DNAJB12: variants seen among roughly 807,000 people sequenced by gnomAD.
DNAJB12 encodes the protein dnaJ homolog subfamily B member 12.
In DNAJB12, 14 loss-of-function variants were observed where a neutral mutation model predicts 40.6. The observed-to-expected ratio is 0.34, with a 90% CI of 0.23 to 0.54. DNAJB12 has a LOEUF of 0.54. DNAJB12 is among the 20% of genes least tolerant of loss of function. The pLI is 0.92. For synonymous variants in DNAJB12, 181 were observed against 199.5 expected (o/e 0.91, Z 0.78); for missense variants, 444 against 501.7 (o/e 0.89, Z 1.10).
At position 72,335,361 on chromosome 10, in the gene DNAJB12, G is replaced by A; in HGVS notation, c.*30+419C>T. 1.0e-6 allele frequency: 1 copy of A among 996,944 alleles called. No homozygotes were observed. The highest frequency in any genetic ancestry group is 1.2e-6 in the Non-Finnish European group (1 of 836,338). 61.8% of individuals were successfully genotyped at this position (996,944 alleles called of 1,614,324 possible). ...GGTATCAGGCAGGCAGTGTGCATAT[G>A]GGGCTCTCTTGGGCCCCACCATATG... On this transcript the variant is annotated intron_variant, in intron 8 of 8. Coordinates refer to ENST00000444643, the MANE Select transcript of DNAJB12 (RefSeq NM_017626.7). This position sits in a 1 kb window ranked among gnomAD's most constrained non-coding sequence, Gnocchi z 4.4.
intron 5 of DNAJB12, 48 bp from the exon 6 acceptor site, chr10:72,338,359 G>C (rs1311092394): frequency 1.3e-6 from 2 of 1,539,886 alleles, no homozygotes; most frequent in Non-Finnish European, 1.8e-6. Context: ...GTGGGGTGTG[G>C]TGTCAGCCAT....
Position 72,338,299 on chromosome 10 carries a change from C to T in DNAJB12, c.736G>A (p.Val246Met). The T allele has an allele frequency of 6.2e-7, 1 of 1,613,982 alleles. No individual in the cohort carries two copies. The highest frequency in any genetic ancestry group is 8.5e-7 in the Non-Finnish European group (1 of 1,179,948). Residue 246 changes from valine (V) to methionine (M), a missense_variant, in exon 6 of 9, where the codon GTG (valine) becomes ATG (methionine). By Grantham distance (21) the Val-to-Met change is conservative. Coordinates refer to ENST00000444643, the MANE Select transcript of DNAJB12 (RefSeq NM_017626.7). Reference protein sequence around the residue: ...RDNQGDGGLGVFVQLMPILIL... With the variant: ...RDNQGDGGLGMFVQLMPILIL... ...AGGATAGGCATCAGCTGCACAAACA[C>T]CCCTAGCCCGCCCTGGAGGGAAGAG...
In DNAJB12 at chr10:72,341,142, G is replaced by C. The variant is rs771056666; in HGVS notation, c.486C>G (p.Ser162Arg). The change falls in exon 4 of 9, where the codon AGC becomes AGG. Residue 162 changes from serine (S) to arginine (R), a missense_variant. Ser to Arg is a moderately radical substitution (Grantham distance 110). Transcript: ENST00000444643. ...CATACTGCTTCCTCTTCTCCGGGTTGCTGAGTACCGCATATGCTGTGCCAA... is the reference window on the plus strand; with the variant it reads ...CATACTGCTTCCTCTTCTCCGGGTTCCTGAGTACCGCATATGCTGTGCCAA... ...KAIGTAYAVL[S>R]NPEKRKQYDQ... 1 of 1,613,720 alleles carries C rather than the reference G, an allele frequency of 6.2e-7. No individual in the cohort carries two copies. Among genetic ancestry groups the C allele is most frequent in the Middle Eastern group, 1.7e-4 (1 of 6,000 alleles).
At position 72,340,987 on chromosome 10, in the gene DNAJB12, G is replaced by A; in HGVS notation, c.641C>T (p.Ser214Phe). The part of the protein sequence containing the change: ...FNMFFGGGFP[S>F]SNVHVYSNGR... Reference sequence around the variant, plus strand: ...TGTGGGGAGGGTGGGGAACTTACTAGAAGGGAAGCCGCCGCCAAAGAACAT... The same window carrying A: ...TGTGGGGAGGGTGGGGAACTTACTAAAAGGGAAGCCGCCGCCAAAGAACAT... The change falls in exon 4 of 9, where the codon TCT becomes TTT. Residue 214 changes from serine to phenylalanine, a missense_variant and splice_region_variant. Transcript: ENST00000444643. 1 of 1,613,234 alleles carries A rather than the reference G, an allele frequency of 6.2e-7. No individual in the cohort carries two copies. Among genetic ancestry groups the A allele is most frequent in the Non-Finnish European group, 8.5e-7 (1 of 1,179,520 alleles).
Position 72,335,661 on chromosome 10 carries a change from G to A in DNAJB12, c.*30+119C>T. On this transcript the variant is annotated intron_variant, in intron 8 of 8. Coordinates refer to ENST00000444643, the MANE Select transcript of DNAJB12 (RefSeq NM_017626.7). The surrounding 1 kb of genome is among the most constrained non-coding windows in gnomAD (Gnocchi z 4.4). Reference sequence around the variant, plus strand: ...TCTCTGGAGGCTGGAGGTCAGGCTGGGGACAGGAGTCTTTGCCACAATCAC... The same window carrying A: ...TCTCTGGAGGCTGGAGGTCAGGCTGAGGACAGGAGTCTTTGCCACAATCAC... The A allele has an allele frequency of 6.9e-7, 1 of 1,447,760 alleles. No individual in the cohort carries two copies. Among genetic ancestry groups the A allele is most frequent in the Non-Finnish European group, 9.1e-7 (1 of 1,101,494 alleles). The allele number at this position is 1,447,760 out of a possible 1,614,324, so 89.7% of individuals were successfully genotyped here. A position where few individuals can be genotyped will look rare whatever the true frequency, so the allele number is the denominator to read the frequency against.
At chr10:72,349,036 C>T (rs1008368434) in intron 1 of DNAJB12, among the ~76,000 whole-genome samples, 13 of 152,112 alleles carry the variant, frequency 8.5e-5, no homozygotes, top group African/African-American at 1.2e-4. Flanking sequence ...CTGGGCTGCA[C>T]GTGTCTGATG....
At chr10:72,352,877 A>C (rs1360680017) in intron 1 of DNAJB12, among the ~76,000 whole-genome samples, 1 of 152,152 alleles carries the variant, frequency 6.6e-6, no homozygotes, top group Non-Finnish European at 1.5e-5. Flanking sequence ...CACCTAATAT[A>C]TCTGTATTAC....
chr10:72,336,832 C>T (rs187959821), intron 6 of DNAJB12, 136 bp from the exon 7 acceptor site: 65 of 666,744 alleles, frequency 9.7e-5, no homozygotes, highest in East Asian at 4.7e-4. Flanking sequence ...AGCAGGGACC[C>T]GCACACTCCC....
chr10:72,344,496 C>G (rs1237286030), intron 2 of DNAJB12, among the ~76,000 whole-genome samples: 7 of 152,230 alleles, frequency 4.6e-5, no homozygotes, highest in African/African-American at 1.4e-4. Context: ...GGCCTGCTCA[C>G]AGCCGTGGGG....
intron 8 of DNAJB12, chr10:72,334,837 C>A: frequency 7.4e-7 from 1 of 1,351,456 alleles, no homozygotes; most frequent in Non-Finnish European, 9.4e-7. Flanking sequence ...CGGGAGGACA[C>A]AGGCAAAGGA....
At chr10:72,336,255 C>T (rs112054068) in intron 7 of DNAJB12, among the ~76,000 whole-genome samples, 2,889 of 152,302 alleles carry the variant, frequency 0.019, 95 homozygotes, top group African/African-American at 0.066. Context: ...CAGTCCATCT[C>T]TACACACTCA....
chr10:72,339,614 G>A (rs537572718), intron 5 of DNAJB12, among the ~76,000 whole-genome samples: 61 of 152,068 alleles, frequency 4.0e-4, no homozygotes, highest in African/African-American at 1.4e-3. Flanking sequence ...AATTTAAAAT[G>A]TTTTGCAATT....
chr10:72,343,656 G>C (rs1451874101), intron 2 of DNAJB12, 145 bp from the exon 3 acceptor site: 3 of 849,658 alleles, frequency 3.5e-6, no homozygotes, highest in Non-Finnish European at 5.6e-6. Context: ...GGTCAGCTGT[G>C]TGACACCAGG....
chr10:72,345,218 C>T, intron 1 of DNAJB12, 91 bp from the exon 2 acceptor site: 5 of 1,462,192 alleles, frequency 3.4e-6, no homozygotes, highest in Non-Finnish European at 4.6e-6. Flanking sequence ...CACTTCCCCT[C>T]CCAGCAAAGC....
At position 72,345,093 on chromosome 10, in the gene DNAJB12, A is replaced by C. The variant is rs1861749501; in HGVS notation, c.168T>G (p.Thr56=). The change falls in exon 2 of 9, where the codon ACT becomes ACG. Residue 56 remains threonine (T), a synonymous_variant. Transcript: ENST00000444643. ...LIESLNQKPQ[T]AGDQPPPTDT... ...CTGTGGGTGGGGGTTGGTCACCGGCAGTCTGTGGTTTCTGGTTGAGGGACT... is the reference window on the plus strand; with the variant it reads ...CTGTGGGTGGGGGTTGGTCACCGGCCGTCTGTGGTTTCTGGTTGAGGGACT... 1 of 1,613,676 alleles carries C rather than the reference A, an allele frequency of 6.2e-7. No individual in the cohort carries two copies. The highest frequency in any genetic ancestry group is 8.5e-7 in the Non-Finnish European group (1 of 1,179,814).
intron 5 of DNAJB12, among the ~76,000 whole-genome samples, chr10:72,338,528 G>T (rs1861540752): frequency 6.6e-6 from 1 of 151,570 alleles, no homozygotes; most frequent in Non-Finnish European, 1.5e-5. Flanking sequence ...GAGGAAGTGA[G>T]GTGTCTGCAT....
rs951200682 is a variant in DNAJB12, at chr10:72,335,045, G to A, written c.*31-428C>T. 4.0e-5 allele frequency: 41 copies of A among 1,019,868 alleles called. No homozygotes were observed. In the African/African-American group the frequency reaches 5.5e-4, roughly 14 times the overall value. 63.2% of individuals were successfully genotyped at this position (1,019,868 alleles called of 1,614,324 possible). ...CACCCCTCCTGTGCTGAGCGGCTGC[G>A]TCTGACCCTGAACTCATGACCTTCT... On this transcript the variant is annotated intron_variant, in intron 8 of 8. Transcript: ENST00000444643. The surrounding 1 kb of genome is among the most constrained non-coding windows in gnomAD (Gnocchi z 4.4).
rs772151900 is a variant in DNAJB12, at chr10:72,340,910, G to A, written c.644-42C>T. 33 of 1,610,710 alleles carry A rather than the reference G, an allele frequency of 2.0e-5. No individual in the cohort carries two copies. The East Asian group carries it at 5.6e-4, about 27-fold the overall frequency. On this transcript the variant is annotated intron_variant, in intron 4 of 8. Transcript: ENST00000444643. The stretch of plus-strand genomic sequence containing the variant: ...CTGAGTCAGGAGCCAGGTCTGTTGG[G>A]AAAGGGAGAGGCTGGCATGCCATTC...
chr10:72,349,571 T>TCC (rs1301466283), intron 1 of DNAJB12, among the ~76,000 whole-genome samples: 1 of 152,236 alleles, frequency 6.6e-6, no homozygotes, highest in East Asian at 1.9e-4. Context: ...AAGCTCTTTA[T>TCC]TATTTCAGTT....
Sources: allele counts gnomAD v4.1 joint callset (sites outside exome capture counted in the v4.1 genomes callset), GRCh38; gene constraint gnomAD v4.1.1; non-coding constraint Gnocchi (gnomAD v3.1); transcripts MANE v1.5; gene names NCBI Gene and HGNC (gene_info 2026-07-23, HGNC 2026-07-21).